The following ATP2B2 variants were observed in gnomAD, a reference collection of about 807,000 sequenced individuals.
ATP2B2 encodes ATPase plasma membrane Ca2+ transporting 2, also known as plasma membrane calcium-transporting ATPase 2.
ATP2B2 carries 15 observed loss-of-function variants against 120.0 expected under a neutral mutation model. That is an observed-to-expected ratio of 0.12 (90% confidence interval 0.08 to 0.19). The LOEUF is 0.19. ATP2B2 is among the 10% of genes least tolerant of loss of function. ATP2B2 has a pLI of 1.00. For synonymous variants in ATP2B2, 694 were observed against 700.3 expected (o/e 0.99, Z 0.14); for missense variants, 1,045 against 1,719.8 (o/e 0.61, Z 6.94).
At chr3:10,538,848 T>C (rs1171542054) in intron 2 of ATP2B2, among the ~76,000 whole-genome samples, 1 of 152,142 alleles carries the variant, frequency 6.6e-6, no homozygotes, top group African/African-American at 2.4e-5. Context: ...CCACTCCTAT[T>C]CAACATACTG....
intron 1 of ATP2B2, among the ~76,000 whole-genome samples, chr3:10,476,981 C>T (rs2065228796): frequency 6.6e-6 from 1 of 152,166 alleles, no homozygotes; most frequent in Non-Finnish European, 1.5e-5. Context: ...TTCTAGAAGC[C>T]ACTCAAAGTC....
At chr3:10,686,122 T>G (rs1344449435) in intron 1 of ATP2B2, among the ~76,000 whole-genome samples, 1 of 144,382 alleles carries the variant, frequency 6.9e-6, no homozygotes, top group Non-Finnish European at 1.5e-5. Context: ...GTTGCCCTCA[T>G]CTGAAGCATA....
chr3:10,484,208 G>A (rs535349166), intron 1 of ATP2B2, among the ~76,000 whole-genome samples: 1 of 152,230 alleles, frequency 6.6e-6, no homozygotes, highest in South Asian at 2.1e-4. Flanking sequence ...TGAGTTCCTG[G>A]AAACTCTGGA....
chr3:10,345,509 T>C lies in ATP2B2; in HGVS notation c.2578A>G (p.Ser860Gly). 6.2e-7 allele frequency: 1 copy of C among 1,614,228 alleles called. No individual in the cohort carries two copies. Among genetic ancestry groups the C allele is most frequent in the Non-Finnish European group, 8.5e-7 (1 of 1,180,032 alleles). Residue 860 changes from serine to glycine, a missense_variant, in exon 18 of 23, where the codon AGC (serine) becomes GGC (glycine). Ser to Gly is a moderately conservative substitution (Grantham distance 56, BLOSUM62 0). Transcript: ENST00000360273. Reference sequence around the variant, plus strand: ...CCCCACATCACTGCCTTGACGATGCTGCTGAAATTGTCGTCTGTCAGGATG... The same window carrying C: ...CCCCACATCACTGCCTTGACGATGCCGCTGAAATTGTCGTCTGTCAGGATG... ...DIILTDDNFS[S>G]IVKAVMWGRN...
intron 2 of ATP2B2, among the ~76,000 whole-genome samples, chr3:10,424,835 C>T (rs1046557067): frequency 3.9e-5 from 6 of 152,100 alleles, no homozygotes; most frequent in African/African-American, 1.4e-4. Context: ...AAACAGAAAA[C>T]TCTACAAAAC....
Position 10,402,193 on chromosome 3 carries a change from G to T in ATP2B2, c.553C>A (p.Arg185Ser). 2 of 1,614,174 alleles carry T rather than the reference G, an allele frequency of 1.2e-6. No individual in the cohort carries two copies. Among genetic ancestry groups the T allele is most frequent in the Non-Finnish European group, 1.7e-6 (2 of 1,180,048 alleles). The change falls in exon 4 of 23, where the codon CGC becomes AGC. Residue 185 changes from arginine (R) to serine (S), a missense_variant. Around this residue, in one of 11 missense-constraint regions of ATP2B2, gnomAD observed 30 missense variants for 66.7 expected, o/e 0.45. Transcript: ENST00000360273. This position sits in a 1 kb window ranked among gnomAD's most constrained non-coding sequence, Gnocchi z 4.9. ...GTAAATTTCTGTTCCTGCTCGATGC[G>T]GCTCTGCAGGCCCCGGAACTGTTTC... ...KEKQFRGLQSRIEQEQKFTVV... is the reference protein window; with the variant it reads ...KEKQFRGLQSSIEQEQKFTVV...
intron 2 of ATP2B2, among the ~76,000 whole-genome samples, chr3:10,446,726 T>G (rs1216865545): frequency 6.6e-6 from 1 of 152,194 alleles, no homozygotes; most frequent in Non-Finnish European, 1.5e-5. Flanking sequence ...TATGATGGGC[T>G]TCCCTTCTCC....
intron 2 of ATP2B2, among the ~76,000 whole-genome samples, chr3:10,562,548 C>G (rs1275657477): frequency 1.3e-5 from 2 of 152,132 alleles, no homozygotes; most frequent in South Asian, 2.1e-4. Flanking sequence ...CTGAATCACC[C>G]CTTTCCCTGA....
chr3:10,530,165 C>T (rs1174401790), intron 3 of ATP2B2, among the ~76,000 whole-genome samples: 3 of 152,298 alleles, frequency 2.0e-5, no homozygotes, highest in African/African-American at 4.8e-5. Flanking sequence ...CCAGCAAAGG[C>T]GCCTGAGGTC....
chr3:10,659,393 G>A (rs1052078446), intron 1 of ATP2B2, among the ~76,000 whole-genome samples: 6 of 152,186 alleles, frequency 3.9e-5, no homozygotes, highest in African/African-American at 1.2e-4. Context: ...TAAAGGGATG[G>A]AGGAACATCT....
At chr3:10,552,470 C>A (rs2067690921) in intron 2 of ATP2B2, among the ~76,000 whole-genome samples, 1 of 152,232 alleles carries the variant, frequency 6.6e-6, no homozygotes, top group African/African-American at 2.4e-5. Context: ...TGCTGCCCTC[C>A]ATAGCTCCCT....
At chr3:10,579,735 G>T (rs1393324546) in intron 2 of ATP2B2, among the ~76,000 whole-genome samples, 1 of 152,118 alleles carries the variant, frequency 6.6e-6, no homozygotes, top group Non-Finnish European at 1.5e-5. Context: ...ACTTGAACCT[G>T]GCAGGCAGAG....
chr3:10,549,728 C>A (rs150922729), intron 2 of ATP2B2, among the ~76,000 whole-genome samples: 1,749 of 152,166 alleles, frequency 0.011, 20 homozygotes, highest in South Asian at 0.061. Flanking sequence ...CAAACCCCTG[C>A]CCTGTGCTCC....
intron 2 of ATP2B2, among the ~76,000 whole-genome samples, chr3:10,436,376 T>C (rs56335261): frequency 0.24 from 36,281 of 152,016 alleles, 5,615 homozygotes; most frequent in Non-Finnish European, 0.35. Context: ...CGGCTGCGCC[T>C]CTCGTCCCAA....
At chr3:10,546,891 C>T (rs992714282) in intron 2 of ATP2B2, among the ~76,000 whole-genome samples, 3 of 152,200 alleles carry the variant, frequency 2.0e-5, no homozygotes, top group Non-Finnish European at 4.4e-5. Context: ...CTGTCCCATC[C>T]TCCAGACCCT....
chr3:10,638,060 A>G (rs2070071390), intron 1 of ATP2B2, among the ~76,000 whole-genome samples: 1 of 152,214 alleles, frequency 6.6e-6, no homozygotes, highest in African/African-American at 2.4e-5. Context: ...CTCAAAATCA[A>G]GGTAAAATAA....
At chr3:10,376,170 G>C (rs1210729030) in intron 10 of ATP2B2, among the ~76,000 whole-genome samples, 1 of 152,172 alleles carries the variant, frequency 6.6e-6, no homozygotes, top group South Asian at 2.1e-4. Context: ...TGCCCTTGAG[G>C]AGCAGACATT....
intron 14 of ATP2B2, 51 bp downstream of exon 14, chr3:10,358,640 G>A (rs537982313): frequency 1.3e-6 from 2 of 1,589,296 alleles, no homozygotes; most frequent in African/African-American, 1.3e-5. Context: ...CCTGGTGGCT[G>A]GCCTCCCAGC....
intron 2 of ATP2B2, among the ~76,000 whole-genome samples, chr3:10,602,400 A>G (rs993295203): frequency 9.2e-5 from 14 of 152,208 alleles, no homozygotes; most frequent in African/African-American, 3.4e-4. Context: ...ATTTCAGGCC[A>G]CACAGTCAGG....
Sources: gnomAD v4.1 joint callset for allele counts (sites outside exome capture counted in the v4.1 genomes callset) on GRCh38, gnomAD v4.1.1 for gene constraint, gnomAD v4.1.1 regional missense constraint, Gnocchi (gnomAD v3.1) non-coding constraint, MANE v1.5 for transcripts, NCBI Gene and HGNC (gene_info 2026-07-23, HGNC 2026-07-21) for gene names.